The following NELL2 variants were observed in gnomAD, a reference collection of about 807,000 sequenced individuals.
NELL2 encodes the protein protein kinase C-binding protein NELL2.
Under a neutral mutation model 109.6 loss-of-function variants are expected in NELL2, and 41 were observed. The observed-to-expected ratio is 0.37, with a 90% CI of 0.29 to 0.49. NELL2 has a LOEUF of 0.49. Ranked by LOEUF, NELL2 falls within the 20% of genes least tolerant of loss-of-function variation. NELL2 has a pLI of 0.98. For synonymous variants in NELL2, 355 were observed against 344.7 expected, an observed-to-expected ratio of 1.03 and a Z score of -0.33; for missense variants, 900 against 1,008.3, an observed-to-expected ratio of 0.89 and a Z score of 1.45.
At chr12:44,576,542 T>G (rs1439623350) in intron 15 of NELL2, among the ~76,000 whole-genome samples, 2 of 132,112 alleles carry the variant, frequency 1.5e-5, no homozygotes, top group Non-Finnish European at 3.1e-5. Flanking sequence ...CTACCTTCTC[T>G]TTTTTTTTTT....
intron 2 of NELL2, among the ~76,000 whole-genome samples, chr12:44,840,358 C>A (rs1372654657): frequency 4.6e-5 from 7 of 152,192 alleles, no homozygotes; most frequent in African/African-American, 1.7e-4. Context: ...TTCTAAAGGG[C>A]CACTATAACC....
chr12:44,739,008 T>G (rs776795061), intron 9 of NELL2, among the ~76,000 whole-genome samples: 6 of 152,212 alleles, frequency 3.9e-5, no homozygotes, highest in Non-Finnish European at 8.8e-5. Context: ...TTTATCCCTC[T>G]TTCTAGAATG....
intron 2 of NELL2, among the ~76,000 whole-genome samples, chr12:44,857,572 T>C (rs181835433): frequency 2.6e-5 from 4 of 152,090 alleles, no homozygotes; most frequent in African/African-American, 9.7e-5. Context: ...AACGCCAAGG[T>C]TATCCAGACA....
intron 2 of NELL2, among the ~76,000 whole-genome samples, chr12:44,836,169 G>T (rs1566500481): frequency 6.6e-6 from 1 of 152,196 alleles, no homozygotes; most frequent in Non-Finnish European, 1.5e-5. Context: ...CAACAGATTG[G>T]AACACACAGA....
intron 9 of NELL2, among the ~76,000 whole-genome samples, chr12:44,739,924 T>C (rs1464054144): frequency 6.6e-6 from 1 of 152,180 alleles, no homozygotes; most frequent in Non-Finnish European, 1.5e-5. Context: ...CATGGTTTTA[T>C]TAGAAGACCG....
At chr12:44,643,730 T>A (rs557275889) in intron 13 of NELL2, among the ~76,000 whole-genome samples, 1 of 152,292 alleles carries the variant, frequency 6.6e-6, no homozygotes, top group East Asian at 1.9e-4. Flanking sequence ...GCCAAGCTTT[T>A]CAAAATATGT....
In NELL2 at chr12:44,690,830, G is replaced by A. The variant is rs192427939; in HGVS notation, c.1318+12896C>T. 1.3e-3 allele frequency among the ~76,000 whole-genome samples: 197 copies of A among 152,242 alleles called. 6 individuals are homozygous for A. The East Asian group carries it at 0.029, about 23-fold the overall frequency. ...AAAGAGTCTCTATATTATTTCTGAT[G>A]ATAGAAGCCAATCAAAAATCAAATT... On this transcript the variant is annotated intron_variant, in intron 12 of 19. Coordinates refer to ENST00000429094, the MANE Select transcript of NELL2 (RefSeq NM_001145108.2).
At chr12:44,774,680 G>C in intron 9 of NELL2, 67 bp downstream of exon 9, 1 of 1,273,248 alleles carries the variant, frequency 7.9e-7, no homozygotes. Context: ...CCAATGATGG[G>C]TGAATACTTA....
chr12:44,908,541 C>A (rs1945745510), intron 1 of NELL2, among the ~76,000 whole-genome samples: 1 of 151,746 alleles, frequency 6.6e-6, no homozygotes, highest in Admixed American at 6.6e-5. Context: ...GAAGACAATA[C>A]CACCAAAGGA....
intron 13 of NELL2, among the ~76,000 whole-genome samples, chr12:44,644,610 A>ATATG (rs1555190893): frequency 2.4e-5 from 2 of 84,540 alleles, no homozygotes; most frequent in East Asian, 4.3e-4. Context: ...ATATGTATGT[A>ATATG]TATATATATA....
chr12:44,587,405 T>C (rs1275271195), intron 15 of NELL2, among the ~76,000 whole-genome samples: 1 of 150,180 alleles, frequency 6.7e-6, no homozygotes, highest in African/African-American at 2.4e-5. Flanking sequence ...TAACAATAAC[T>C]ATCAAGCTTA....
chr12:44,567,567 G>A (rs1943707955), intron 15 of NELL2, among the ~76,000 whole-genome samples: 1 of 152,132 alleles, frequency 6.6e-6, no homozygotes, highest in Admixed American at 6.6e-5. Flanking sequence ...AAGGGAACAA[G>A]GGAATGATGA....
At chr12:44,766,875 C>T (rs1419995316) in intron 9 of NELL2, among the ~76,000 whole-genome samples, 1 of 152,116 alleles carries the variant, frequency 6.6e-6, no homozygotes, top group Non-Finnish European at 1.5e-5. Context: ...ATTATATGTG[C>T]AGAGACATTC....
At chr12:44,512,296 T>C (rs544039111) in intron 19 of NELL2, among the ~76,000 whole-genome samples, 25 of 152,220 alleles carry the variant, frequency 1.6e-4, no homozygotes, top group African/African-American at 6.0e-4. Context: ...TCACTCCAGT[T>C]AGAACAGCTT....
rs958632010 is a variant in NELL2 at position 44,876,167 on chromosome 12, C to T, written c.-298G>A. The T allele has an allele frequency of 4.0e-6, 5 of 1,254,036 alleles. No homozygotes were observed. In the African/African-American group the frequency reaches 7.6e-5, roughly 19 times the overall value. The allele number at this position is 1,254,036 out of a possible 1,614,324, so 77.7% of individuals were successfully genotyped here. A position where few individuals can be genotyped will look rare whatever the true frequency, so the allele number is the denominator to read the frequency against. ...CGGACTCGCCCCGGCGCGGCTCCGT[C>T]GGGGAATTAGCTCCCGAGCCGAATA... On this transcript the variant is annotated 5_prime_UTR_variant, in exon 1 of 20. Transcript: ENST00000429094.
intron 14 of NELL2, among the ~76,000 whole-genome samples, chr12:44,607,465 G>T (rs1326302527): frequency 1.3e-5 from 2 of 152,002 alleles, no homozygotes; most frequent in African/African-American, 2.4e-5. Context: ...CAATGTTAAA[G>T]AAGTATTTCA....
chr12:44,825,004 C>G (rs913656170), intron 2 of NELL2, among the ~76,000 whole-genome samples: 2 of 152,160 alleles, frequency 1.3e-5, no homozygotes, highest in Non-Finnish European at 2.9e-5. Flanking sequence ...GCCACCGTGC[C>G]CGGCCTGTAG....
At chr12:44,764,856 G>GA (rs1187665504) in intron 9 of NELL2, among the ~76,000 whole-genome samples, 11 of 149,894 alleles carry the variant, frequency 7.3e-5, no homozygotes, top group East Asian at 3.9e-4. Context: ...GAGAGAGAGA[G>GA]AGAAAAAAAA....
intron 12 of NELL2, among the ~76,000 whole-genome samples, chr12:44,668,912 A>C (rs1432353892): frequency 1.3e-5 from 2 of 151,806 alleles, no homozygotes; most frequent in Non-Finnish European, 2.9e-5. Flanking sequence ...CCAGAACCTG[A>C]GCACACCACC....
Sources: gnomAD v4.1 joint callset for allele counts (sites outside exome capture counted in the v4.1 genomes callset) on GRCh38, gnomAD v4.1.1 for gene constraint, MANE v1.5 for transcripts, NCBI Gene and HGNC (gene_info 2026-07-23, HGNC 2026-07-21) for gene names.